SPAG16: variants seen among roughly 807,000 people sequenced by gnomAD.
The protein encoded by SPAG16 is sperm-associated antigen 16 protein.
SPAG16 carries 86 observed loss-of-function variants against 80.4 expected under a neutral mutation model. That is an observed-to-expected ratio of 1.07 (90% CI 0.90 to 1.28). The LOEUF is 1.28. SPAG16 is among the 50% of genes most tolerant of loss of function. The pLI is 0.00. For missense variants in SPAG16, 870 were observed against 765.3 expected, an observed-to-expected ratio of 1.14 and a Z score of -1.61; for synonymous variants, 294 against 265.9, an observed-to-expected ratio of 1.11 and a Z score of -1.03.
chr2:214,398,175 T>C (rs970542959), intron 15 of SPAG16, among the ~76,000 whole-genome samples: 1 of 152,166 alleles, frequency 6.6e-6, no homozygotes, highest in African/African-American at 2.4e-5. Flanking sequence ...AATCAGAATA[T>C]AGAGACAATG....
chr2:213,976,326 ATG>A (rs1347125634), intron 12 of SPAG16, among the ~76,000 whole-genome samples: 4 of 148,666 alleles, frequency 2.7e-5, no homozygotes, highest in African/African-American at 7.7e-5. Flanking sequence ...ATGTGTACGC[ATG>A]TGTGCACATA....
intron 15 of SPAG16, among the ~76,000 whole-genome samples, chr2:214,151,173 G>A (rs1257281949): frequency 6.6e-6 from 1 of 151,898 alleles, no homozygotes; most frequent in African/African-American, 2.4e-5. Context: ...TTTTCTCATT[G>A]AATAATGAGA....
At chr2:213,398,596 CT>C (rs2068159805) in intron 9 of SPAG16, among the ~76,000 whole-genome samples, 1 of 152,188 alleles carries the variant, frequency 6.6e-6, no homozygotes, top group South Asian at 2.1e-4. Flanking sequence ...TCATCTCTCA[CT>C]TTATTTAAAG....
chr2:213,988,388 C>T (rs1165682825), intron 12 of SPAG16, among the ~76,000 whole-genome samples: 1 of 152,018 alleles, frequency 6.6e-6, no homozygotes, highest in Non-Finnish European at 1.5e-5. Flanking sequence ...TGATTTAAAT[C>T]TTACAGAGTA....
At chr2:213,960,017 A>C (rs999887076) in intron 12 of SPAG16, among the ~76,000 whole-genome samples, 1 of 152,122 alleles carries the variant, frequency 6.6e-6, no homozygotes, top group Non-Finnish European at 1.5e-5. Context: ...GTATTCCCAC[A>C]ATACTTGTCT....
intron 9 of SPAG16, among the ~76,000 whole-genome samples, chr2:213,478,222 T>G (rs941389946): frequency 6.6e-6 from 1 of 152,142 alleles, no homozygotes; most frequent in Non-Finnish European, 1.5e-5. Flanking sequence ...TTCATAGCAG[T>G]GTGAGAATGG....
rs59910884 is a variant in SPAG16, at chr2:214,143,234, GTT to G, written c.1594-5886_1594-5885del. 8.8e-3 allele frequency among the ~76,000 whole-genome samples: 991 copies of G among 112,646 alleles called. 7 individuals are homozygous for G. Among genetic ancestry groups the G allele is most frequent in the African/African-American group, 0.012 (337 of 29,094 alleles). The allele number at this position is 112,646 out of a possible 152,430, so 73.9% of individuals were successfully genotyped here. A position where few individuals can be genotyped will look rare whatever the true frequency, so the allele number is the denominator to read the frequency against. ...ATCACCTATTCCATCATAGTTTTGG[GTT>G]TTTTTTTTTTTTTTTTTTTGGTTTC... On this transcript the variant is annotated intron_variant, in intron 14 of 15. Coordinates refer to ENST00000331683, the MANE Select transcript of SPAG16 (RefSeq NM_024532.5).
chr2:213,937,778 G>A (rs771574227), intron 12 of SPAG16, among the ~76,000 whole-genome samples: 2 of 151,960 alleles, frequency 1.3e-5, no homozygotes, highest in Non-Finnish European at 2.9e-5. Context: ...TTGAAAAATT[G>A]AGAATCTCTC....
At chr2:214,110,376 A>G (rs1289992866) in intron 14 of SPAG16, among the ~76,000 whole-genome samples, 1 of 151,796 alleles carries the variant, frequency 6.6e-6, no homozygotes, top group Admixed American at 6.6e-5. Flanking sequence ...TATGAGTGAG[A>G]ACATGCGGTG....
intron 15 of SPAG16, among the ~76,000 whole-genome samples, chr2:214,234,869 C>CCACA (rs368175688): frequency 6.6e-6 from 1 of 151,292 alleles, no homozygotes; most frequent in Non-Finnish European, 1.5e-5. Context: ...TGTACATGTA[C>CCACA]CACACACACA....
intron 14 of SPAG16, among the ~76,000 whole-genome samples, chr2:214,114,212 G>A (rs2125428979): frequency 6.6e-6 from 1 of 152,266 alleles, no homozygotes; most frequent in East Asian, 1.9e-4. Flanking sequence ...TTGTCCTAGA[G>A]GGGCACCCGC....
At chr2:214,190,721 A>G (rs2057635123) in intron 15 of SPAG16, among the ~76,000 whole-genome samples, 1 of 152,102 alleles carries the variant, frequency 6.6e-6, no homozygotes, top group Non-Finnish European at 1.5e-5. Flanking sequence ...TGTCCTTATA[A>G]GAAGAGAAAG....
chr2:214,333,934 C>A (rs1045291178), intron 15 of SPAG16, among the ~76,000 whole-genome samples: 1 of 152,200 alleles, frequency 6.6e-6, no homozygotes, highest in African/African-American at 2.4e-5. Context: ...GCTTTTTACT[C>A]AGTCTTCCAA....
intron 10 of SPAG16, among the ~76,000 whole-genome samples, chr2:213,575,971 C>T (rs2060110591): frequency 6.6e-6 from 1 of 151,906 alleles, no homozygotes; most frequent in Admixed American, 6.6e-5. Context: ...GTTTGGAAAT[C>T]CATTTGCTCA....
intron 15 of SPAG16, among the ~76,000 whole-genome samples, chr2:214,206,935 A>G (rs2058162036): frequency 6.6e-6 from 1 of 152,158 alleles, no homozygotes; most frequent in Non-Finnish European, 1.5e-5. Context: ...GATGTAAAAA[A>G]TTAATCTTAG....
intron 13 of SPAG16, among the ~76,000 whole-genome samples, chr2:214,056,450 A>G (rs2049951343): frequency 6.6e-6 from 1 of 152,068 alleles, no homozygotes; most frequent in South Asian, 2.1e-4. Flanking sequence ...AAAAGTTATG[A>G]TACTGTAGTC....
intron 13 of SPAG16, among the ~76,000 whole-genome samples, chr2:214,055,928 AT>A (rs34900197): frequency 0.085 from 12,966 of 152,176 alleles, 689 homozygotes; most frequent in East Asian, 0.23. Flanking sequence ...AAATTGGAAA[AT>A]TTTTACCATG....
intron 10 of SPAG16, among the ~76,000 whole-genome samples, chr2:213,835,793 G>C (rs2074039052): frequency 6.6e-6 from 1 of 152,004 alleles, no homozygotes; most frequent in South Asian, 2.1e-4. Context: ...TATGTGAATA[G>C]TTTTCCAGTT....
chr2:213,875,537 A>G lies in SPAG16; in HGVS notation c.1214+12909A>G, dbSNP rs535770975. Among the ~76,000 whole-genome samples the G allele has an allele frequency of 5.9e-4, 90 of 152,278 alleles. 1 individual carries two copies. The highest frequency in any genetic ancestry group is 2.1e-3 in the African/African-American group (87 of 41,572). On this transcript the variant is annotated intron_variant, in intron 11 of 15. Transcript: ENST00000331683. ...TGAGAGGCTTCATAGGAGTGGTTGC[A>G]GTGAATTAAAGAGTCAACTAATTCT... is the stretch of plus-strand genomic sequence containing the variant.
Sources: gnomAD v4.1 joint callset for allele counts (sites outside exome capture counted in the v4.1 genomes callset) on GRCh38, gnomAD v4.1.1 for gene constraint, MANE v1.5 for transcripts, NCBI Gene and HGNC (gene_info 2026-07-23, HGNC 2026-07-21) for gene names.